The following ERBB4 variants were observed in gnomAD, a reference collection of about 807,000 sequenced individuals.
The protein encoded by ERBB4 is erb-b2 receptor tyrosine kinase 4, also known as receptor tyrosine-protein kinase erbB-4.
Under a neutral mutation model 158.0 loss-of-function variants are expected in ERBB4, and 42 were observed. The observed-to-expected ratio is 0.27, with a 90% CI of 0.21 to 0.34. ERBB4 has a LOEUF of 0.34. Ranked by LOEUF, ERBB4 falls within the 10% of genes least tolerant of loss-of-function variation. ERBB4 has a pLI of 1.00. For missense variants in ERBB4, 1,333 were observed against 1,624.1 expected, an observed-to-expected ratio of 0.82 and a Z score of 3.08; for synonymous variants, 583 against 558.7, an observed-to-expected ratio of 1.04 and a Z score of -0.61.
chr2:211,911,812 T>C (rs2079546711), intron 3 of ERBB4, among the ~76,000 whole-genome samples: 1 of 147,616 alleles, frequency 6.8e-6, no homozygotes, highest in South Asian at 2.1e-4. Context: ...GGAGAGGTTT[T>C]ATTCTTTTCT....
rs1270295608 is a variant in ERBB4, at chr2:211,545,197, G to A, written c.2487+16706C>T. On this transcript the variant is annotated intron_variant, in intron 20 of 27. Coordinates refer to ENST00000342788, the MANE Select transcript of ERBB4 (RefSeq NM_005235.3). Reference sequence around the variant, plus strand: ...ATTTAAAGCAAAATTTAAATGGCTAGACGCTTAACATTTTTTTTAAAGTAC... The same window carrying A: ...ATTTAAAGCAAAATTTAAATGGCTAAACGCTTAACATTTTTTTTAAAGTAC... Among the ~76,000 whole-genome samples the A allele has an allele frequency of 2.0e-5, 3 of 151,972 alleles. No homozygotes were observed. The East Asian group carries it at 5.8e-4, about 29-fold the overall frequency.
chr2:212,510,560 T>C (rs1404092798), intron 1 of ERBB4, among the ~76,000 whole-genome samples: 1 of 152,000 alleles, frequency 6.6e-6, no homozygotes, highest in Non-Finnish European at 1.5e-5. Flanking sequence ...AATTAAACTT[T>C]AAATAAAACA....
At chr2:211,809,270 G>A (rs2076692476) in intron 3 of ERBB4, among the ~76,000 whole-genome samples, 6 of 152,184 alleles carry the variant, frequency 3.9e-5, no homozygotes, top group Non-Finnish European at 7.4e-5. Flanking sequence ...AATGGAACCA[G>A]CTCCTCTTTG....
chr2:212,172,465 G>GT (rs1263205616), intron 1 of ERBB4, among the ~76,000 whole-genome samples: 1 of 152,106 alleles, frequency 6.6e-6, no homozygotes, highest in Non-Finnish European at 1.5e-5. Flanking sequence ...ACATGCATGC[G>GT]TATGTTCATT....
chr2:211,609,441 T>G (rs1320954177), intron 19 of ERBB4, among the ~76,000 whole-genome samples: 1 of 152,176 alleles, frequency 6.6e-6, no homozygotes, highest in Non-Finnish European at 1.5e-5. Context: ...CACTCAATCA[T>G]ATTTCCATAA....
intron 1 of ERBB4, among the ~76,000 whole-genome samples, chr2:212,209,585 T>TA (rs1440197110): frequency 1.3e-5 from 2 of 152,074 alleles, no homozygotes; most frequent in Non-Finnish European, 2.9e-5. Context: ...TCTTGCTTAT[T>TA]AGCAGTGTTA....
intron 1 of ERBB4, among the ~76,000 whole-genome samples, chr2:212,163,329 T>C (rs2081257405): frequency 6.6e-6 from 1 of 151,946 alleles, no homozygotes; most frequent in Non-Finnish European, 1.5e-5. Context: ...TGAAAAAACA[T>C]AAATGATATA....
At chr2:211,886,090 T>C (rs967824847) in intron 3 of ERBB4, among the ~76,000 whole-genome samples, 5 of 152,226 alleles carry the variant, frequency 3.3e-5, no homozygotes, top group African/African-American at 4.8e-5. Context: ...TAAGTTCTTT[T>C]TAGATGATAT....
intron 2 of ERBB4, among the ~76,000 whole-genome samples, chr2:211,998,745 A>C (rs985268210): frequency 6.6e-6 from 1 of 151,850 alleles, no homozygotes; most frequent in Non-Finnish European, 1.5e-5. Flanking sequence ...TTACTTGTGT[A>C]ATTTCTTTGA....
Position 211,386,875 on chromosome 2 carries a change from A to C in ERBB4, c.3459T>G (p.Pro1153=). Reference sequence around the variant, plus strand: ...TACCTTGTTTGGGTTTGTCTCGCATAGGAGTCATGTAACCTTCCTCATCCA... The same window carrying C: ...TACCTTGTTTGGGTTTGTCTCGCATCGGAGTCATGTAACCTTCCTCATCCA... ...GELDEEGYMT[P]MRDKPKQEYL... is the part of the protein sequence containing the mutation. The change falls in exon 27 of 28, where the codon CCT becomes CCG. Residue 1153 remains proline, a synonymous_variant. Coordinates refer to ENST00000342788, the MANE Select transcript of ERBB4 (RefSeq NM_005235.3). The C allele has an allele frequency of 1.2e-6, 2 of 1,614,178 alleles. No homozygotes were observed. The highest frequency in any genetic ancestry group is 4.5e-5 in the East Asian group (2 of 44,874).
At chr2:212,419,546 T>C (rs928561821) in intron 1 of ERBB4, among the ~76,000 whole-genome samples, 2 of 151,914 alleles carry the variant, frequency 1.3e-5, no homozygotes, top group Non-Finnish European at 2.9e-5. Context: ...TACATATACA[T>C]ATAAATGTAT....
At chr2:211,783,676 A>G (rs927132485) in intron 4 of ERBB4, among the ~76,000 whole-genome samples, 3 of 152,036 alleles carry the variant, frequency 2.0e-5, no homozygotes, top group Non-Finnish European at 4.4e-5. Context: ...ACGTTTATTG[A>G]TTTGCGTATG....
intron 20 of ERBB4, among the ~76,000 whole-genome samples, chr2:211,478,401 A>G (rs959975479): frequency 1.3e-5 from 2 of 152,144 alleles, no homozygotes; most frequent in African/African-American, 2.4e-5. Flanking sequence ...TGTTGCCTTG[A>G]ATGTCATGAG....
chr2:211,480,499 C>T (rs113070903), intron 20 of ERBB4, among the ~76,000 whole-genome samples: 2,896 of 152,172 alleles, frequency 0.019, 48 homozygotes, highest in Middle Eastern at 0.048. Context: ...AACTTGCTTC[C>T]CCTTGGCCCT....
chr2:212,134,661 TTAAC>T (rs2080212539), intron 1 of ERBB4, among the ~76,000 whole-genome samples: 1 of 149,448 alleles, frequency 6.7e-6, no homozygotes, highest in Non-Finnish European at 1.5e-5. Context: ...ACTGCTGAAA[TTAAC>T]TAAACACTTT....
chr2:212,009,977 T>C (rs2076346276), intron 2 of ERBB4, among the ~76,000 whole-genome samples: 1 of 152,228 alleles, frequency 6.6e-6, no homozygotes, highest in African/African-American at 2.4e-5. Context: ...ATAATCTTCC[T>C]ATTGTTTCCA....
At chr2:211,609,940 G>C (rs1365181461) in intron 19 of ERBB4, among the ~76,000 whole-genome samples, 1 of 152,072 alleles carries the variant, frequency 6.6e-6, no homozygotes, top group Non-Finnish European at 1.5e-5. Context: ...AACAACAGTG[G>C]TGTTAAGTAA....
At chr2:212,021,936 G>T (rs923866710) in intron 2 of ERBB4, among the ~76,000 whole-genome samples, 4 of 152,188 alleles carry the variant, frequency 2.6e-5, no homozygotes, top group African/African-American at 7.2e-5. Flanking sequence ...CAACATCATT[G>T]ATTATTAGAG....
chr2:212,373,829 A>G lies in ERBB4; in HGVS notation c.82+164620T>C, dbSNP rs867998561. The stretch of plus-strand genomic sequence containing the variant: ...TATATATCCATGTATATATCCATAT[A>G]TATATATATCCATGTATATATCCAT... On this transcript the variant is annotated intron_variant, in intron 1 of 27. Transcript: ENST00000342788. 7.1e-3 allele frequency among the ~76,000 whole-genome samples: 628 copies of G among 88,636 alleles called. 69 individuals carry two copies. The highest frequency in any genetic ancestry group is 0.037 in the Middle Eastern group (3 of 80). The allele number at this position is 88,636 out of a possible 152,430, so 58.1% of individuals were successfully genotyped here. A position where few individuals can be genotyped will look rare whatever the true frequency, so the allele number is the denominator to read the frequency against.
Sources: allele counts gnomAD v4.1 joint callset (sites outside exome capture counted in the v4.1 genomes callset), GRCh38; gene constraint gnomAD v4.1.1; transcripts MANE v1.5; gene names NCBI Gene and HGNC (gene_info 2026-07-23, HGNC 2026-07-21).